Variants in BDKRB2 observed in about 807,000 individuals in gnomAD.
BDKRB2 encodes the protein B2 bradykinin receptor.
A neutral mutation model predicts 4.0 loss-of-function variants in BDKRB2; 6 were observed. The ratio of observed to expected loss-of-function variants is 1.49; its 90% CI spans 0.81 to 2.93. The LOEUF is 2.93. BDKRB2 is among the 30% of genes most tolerant of loss of function. BDKRB2 has a pLI of 0.00. For synonymous variants in BDKRB2, 225 were observed against 215.3 expected (o/e 1.05, Z -0.40); for missense variants, 478 against 520.1 (o/e 0.92, Z 0.79).
At chr14:96,239,327 G>A (rs1290512122) in intron 2 of BDKRB2, 4 of 981,928 alleles carry the variant, frequency 4.1e-6, no homozygotes, top group Non-Finnish European at 4.8e-6. Context: ...CTCCAAAGAA[G>A]GCAAAATAGA....
At chr14:96,207,683 G>A (rs892038022) in intron 1 of BDKRB2, among the ~76,000 whole-genome samples, 1 of 152,112 alleles carries the variant, frequency 6.6e-6, no homozygotes, top group Admixed American at 6.5e-5. Context: ...TGTCAGTAAC[G>A]GGGGAGGCTA....
At chr14:96,231,713 G>A (rs943809627) in intron 1 of BDKRB2, among the ~76,000 whole-genome samples, 8 of 152,214 alleles carry the variant, frequency 5.3e-5, no homozygotes, top group African/African-American at 9.7e-5. Flanking sequence ...TTTACAGAGC[G>A]AATATTGTTC....
In BDKRB2 at chr14:96,241,169, A is replaced by G. The variant is rs200761934; in HGVS notation, c.841A>G (p.Ile281Val). The G allele has an allele frequency of 6.2e-7, 1 of 1,605,900 alleles. No homozygotes were observed. Among genetic ancestry groups the G allele is most frequent in the Middle Eastern group, 1.7e-4 (1 of 6,042 alleles). Reference protein sequence around the residue: ...LVLVVLLLFIICWLPFQISTF... With the variant: ...LVLVVLLLFIVCWLPFQISTF... Reference sequence around the variant, plus strand: ...CCTGGTTGTGCTGCTGCTATTCATCATCTGCTGGCTGCCCTTCCAGATCAG... The same window carrying G: ...CCTGGTTGTGCTGCTGCTATTCATCGTCTGCTGGCTGCCCTTCCAGATCAG... Residue 281 changes from isoleucine (I) to valine (V), a missense_variant, in exon 3 of 3, where the codon ATC becomes GTC. Ile to Val is a conservative substitution (Grantham distance 29). Coordinates refer to ENST00000554311, the MANE Select transcript of BDKRB2 (RefSeq NM_001379692.1).
rs950234709 is a variant in BDKRB2, at chr14:96,243,959, T to G, written c.*2455T>G. 1.8e-5 allele frequency: 7 copies of G among 381,324 alleles called. No individual in the cohort carries two copies. The highest frequency in any genetic ancestry group is 1.4e-4 in the African/African-American group (7 of 48,310). The allele number at this position is 381,324 out of a possible 1,614,324, so 23.6% of individuals were successfully genotyped here. ...CTCTGCCGCAATGGCCATGTGGGGA[T>G]CCACACCTGGTCTGAGGGGCAACTG... On this transcript the variant is annotated 3_prime_UTR_variant, in exon 3 of 3. Coordinates refer to ENST00000554311, the MANE Select transcript of BDKRB2 (RefSeq NM_001379692.1).
rs78033973 is a variant in BDKRB2 at position 96,227,529 on chromosome 14, G to T, written c.-39-9540G>T. On this transcript the variant is annotated intron_variant, in intron 1 of 2. Transcript: ENST00000554311. ...GCTCTTCCAACATTCATGTATGCAC[G>T]CACACGTGTACACACACGTGCACAC... is the stretch of plus-strand genomic sequence containing the variant. Among the ~76,000 whole-genome samples the T allele has an allele frequency of 2.2e-3, 340 of 152,160 alleles. 2 individuals are homozygous for T. The highest frequency in any genetic ancestry group is 8.0e-3 in the African/African-American group (331 of 41,508).
rs1036646395 is a variant in BDKRB2 at position 96,238,946 on chromosome 14, C to CA, written c.75-1451dup. ...CAGAGCTCAGCACAGAGCAGACGCT[C>CA]AAAAAACATTTAAAGGATAGAAGCA... is the stretch of plus-strand genomic sequence containing the variant. On this transcript the variant is annotated intron_variant, in intron 2 of 2. Transcript: ENST00000554311. 1.0e-4 allele frequency: 103 copies of CA among 985,428 alleles called. No individual in the cohort carries two copies. The African/African-American group carries it at 1.7e-3, about 17-fold the overall frequency. 61.0% of individuals were successfully genotyped at this position (985,428 alleles called of 1,614,324 possible). A position where few individuals can be genotyped will look rare whatever the true frequency, so the allele number is the denominator to read the frequency against.
At chr14:96,219,485 G>A (rs1053753806) in intron 1 of BDKRB2, among the ~76,000 whole-genome samples, 1 of 151,876 alleles carries the variant, frequency 6.6e-6, no homozygotes, top group Non-Finnish European at 1.5e-5. Context: ...TCTGGACAAG[G>A]GTGGGCTTCT....
chr14:96,232,419 T>G (rs2139790879), intron 1 of BDKRB2, among the ~76,000 whole-genome samples: 2 of 152,378 alleles, frequency 1.3e-5, no homozygotes, highest in East Asian at 3.9e-4. Flanking sequence ...TTTCAGGCTG[T>G]GTTTCCCACA....
chr14:96,235,068 C>A (rs1309477018), intron 1 of BDKRB2, among the ~76,000 whole-genome samples: 2 of 152,142 alleles, frequency 1.3e-5, no homozygotes, highest in African/African-American at 4.8e-5. Flanking sequence ...ATGCTTTAAG[C>A]CGGGTGCAGT....
At chr14:96,211,120 A>G (rs907697358) in intron 1 of BDKRB2, 1 of 152,252 alleles carries the variant, frequency 6.6e-6, no homozygotes, top group Admixed American at 6.5e-5. Context: ...TTTGGGCCCA[A>G]ACATTTCGGG....
chr14:96,207,981 G>A (rs181344453), intron 1 of BDKRB2, among the ~76,000 whole-genome samples: 206 of 152,250 alleles, frequency 1.4e-3, no homozygotes, highest in African/African-American at 4.6e-3. Flanking sequence ...CTCCAAGAAT[G>A]GGGAGCTCAC....
Position 96,241,244 on chromosome 14 carries a change from G to A in BDKRB2, c.916G>A (p.Asp306Asn), listed in dbSNP as rs200077235. The A allele has an allele frequency of 4.3e-5, 69 of 1,613,028 alleles. No homozygotes were observed. Among genetic ancestry groups the A allele is most frequent in the Non-Finnish European group, 5.4e-5 (64 of 1,179,284 alleles). Residue 306 changes from aspartate (D) to asparagine (N), a missense_variant, in exon 3 of 3, where the codon GAC becomes AAC. Physicochemically the swap from Asp to Asn is conservative, Grantham distance 23. Transcript: ENST00000554311. ...HRLGILSSCQ[D>N]ERIIDVITQI... ...CCTCGGCATCCTCTCCAGCTGCCAG[G>A]ACGAGCGCATCATCGATGTAATCAC...
At chr14:96,206,802 C>G (rs1019852963) in intron 1 of BDKRB2, among the ~76,000 whole-genome samples, 1 of 152,034 alleles carries the variant, frequency 6.6e-6, no homozygotes, top group African/African-American at 2.4e-5. Context: ...CCTGTTTGAG[C>G]TGCTATAAGA....
intron 1 of BDKRB2, among the ~76,000 whole-genome samples, chr14:96,215,362 T>A (rs1220278610): frequency 6.6e-6 from 1 of 152,154 alleles, no homozygotes; most frequent in Non-Finnish European, 1.5e-5. Flanking sequence ...ACCAACTGCC[T>A]GGTCCTAAAC....
chr14:96,220,166 A>G (rs1474862327), intron 1 of BDKRB2, among the ~76,000 whole-genome samples: 1 of 151,998 alleles, frequency 6.6e-6, no homozygotes, highest in Admixed American at 6.5e-5. Context: ...CCCCAAGGGC[A>G]TAGGGCAGAG....
At chr14:96,232,254 C>A (rs1890834781) in intron 1 of BDKRB2, among the ~76,000 whole-genome samples, 1 of 152,206 alleles carries the variant, frequency 6.6e-6, no homozygotes. Context: ...GTTTAAAATA[C>A]CAATCCCCAC....
intron 1 of BDKRB2, among the ~76,000 whole-genome samples, chr14:96,229,137 T>G (rs546687866): frequency 1.4e-4 from 21 of 152,150 alleles, no homozygotes; most frequent in Middle Eastern, 3.2e-3. Flanking sequence ...CGACCATTTA[T>G]TAAACACCTA....
chr14:96,210,379 G>C (rs576981200), intron 1 of BDKRB2, among the ~76,000 whole-genome samples: 1 of 152,266 alleles, frequency 6.6e-6, no homozygotes, highest in South Asian at 2.1e-4. Context: ...CCTTGAAGTG[G>C]AGAAAGCATG....
At chr14:96,210,594 C>G (rs905653625) in intron 1 of BDKRB2, among the ~76,000 whole-genome samples, 1 of 152,138 alleles carries the variant, frequency 6.6e-6, no homozygotes, top group African/African-American at 2.4e-5. Context: ...TTTCACCCAG[C>G]AAAGAACAAT....
Sources: gnomAD v4.1 joint callset for allele counts (sites outside exome capture counted in the v4.1 genomes callset) on GRCh38, gnomAD v4.1.1 for gene constraint, MANE v1.5 for transcripts, NCBI Gene and HGNC (gene_info 2026-07-23, HGNC 2026-07-21) for gene names.